The following SMYD3 variants were observed in gnomAD, a reference collection of about 807,000 sequenced individuals.
The protein encoded by SMYD3 is SET and MYND domain containing 3.
SMYD3 carries 36 observed loss-of-function variants against 57.7 expected under a neutral mutation model. That is an observed-to-expected ratio of 0.62 (90% CI 0.48 to 0.82). The LOEUF (loss-of-function observed/expected upper bound fraction) is 0.82, where lower values mean the gene tolerates loss of function less well. Among genes scored for constraint, SMYD3 ranks in the 40% least tolerant of loss-of-function variants. The probability of loss-of-function intolerance (pLI) is 0.00; values close to 1 mark genes in which losing one functional copy is unlikely to be tolerated. For missense variants in SMYD3, 515 were observed against 538.8 expected (o/e 0.96, Z 0.44); for synonymous variants, 211 against 195.0 (o/e 1.08, Z -0.68).
At chr1:246,261,593 AG>A (rs2064013436) in intron 5 of SMYD3, among the ~76,000 whole-genome samples, 1 of 152,124 alleles carries the variant, frequency 6.6e-6, no homozygotes, top group South Asian at 2.1e-4. Flanking sequence ...TTAAATGGTT[AG>A]CTCAGAAAAT....
chr1:245,798,469 CACATACACAACACACCACACACACA>C (rs2047689093), intron 10 of SMYD3, among the ~76,000 whole-genome samples: 1 of 29,574 alleles, frequency 3.4e-5, no homozygotes, highest in Non-Finnish European at 6.3e-5. Context: ...CACATACACA[CACATACACAACACACCACACACACA>C]CACACACACA....
At chr1:245,761,575 TTC>T (rs1375466803) in intron 11 of SMYD3, among the ~76,000 whole-genome samples, 1 of 152,188 alleles carries the variant, frequency 6.6e-6, no homozygotes, top group African/African-American at 2.4e-5. Context: ...AATCTAAATC[TTC>T]TCTGATTTCT....
chr1:246,191,371 T>C (rs923464312), intron 5 of SMYD3, among the ~76,000 whole-genome samples: 28 of 152,174 alleles, frequency 1.8e-4, no homozygotes, highest in African/African-American at 6.0e-4. Context: ...GTAAAAAAAT[T>C]CAACGTTTTT....
At chr1:246,065,912 G>C (rs985981496) in intron 5 of SMYD3, among the ~76,000 whole-genome samples, 1 of 152,118 alleles carries the variant, frequency 6.6e-6, no homozygotes, top group African/African-American at 2.4e-5. Flanking sequence ...ACTAACATGA[G>C]ACTTTTTTCT....
At chr1:245,989,021 T>C (rs1007456234) in intron 5 of SMYD3, among the ~76,000 whole-genome samples, 1 of 152,234 alleles carries the variant, frequency 6.6e-6, no homozygotes, top group African/African-American at 2.4e-5. Context: ...AGGTTGTTTT[T>C]CTATGGCCAA....
At chr1:246,212,045 G>A (rs759938893) in intron 5 of SMYD3, among the ~76,000 whole-genome samples, 12 of 151,900 alleles carry the variant, frequency 7.9e-5, no homozygotes, top group East Asian at 3.8e-4. Flanking sequence ...TGAGTAAATC[G>A]GAATCAAAAG....
chr1:246,471,846 G>A (rs965876949), intron 1 of SMYD3, among the ~76,000 whole-genome samples: 4 of 152,254 alleles, frequency 2.6e-5, no homozygotes, highest in Middle Eastern at 3.4e-3. Flanking sequence ...AACTATGCAG[G>A]TACCAAATTT....
At chr1:246,422,471 C>G (rs2067158134) in intron 1 of SMYD3, among the ~76,000 whole-genome samples, 1 of 151,986 alleles carries the variant, frequency 6.6e-6, no homozygotes. Context: ...GTCACCCAGG[C>G]TGGAGTGCAG....
At chr1:246,457,845 C>T (rs1375115478) in intron 1 of SMYD3, among the ~76,000 whole-genome samples, 1 of 152,214 alleles carries the variant, frequency 6.6e-6, no homozygotes, top group African/African-American at 2.4e-5. Flanking sequence ...TTTATAACTA[C>T]ACCAGAATAA....
intron 1 of SMYD3, among the ~76,000 whole-genome samples, chr1:246,431,288 T>C (rs1258143213): frequency 1.3e-5 from 2 of 152,236 alleles, no homozygotes; most frequent in African/African-American, 4.8e-5. Flanking sequence ...ATTTGTTACC[T>C]CACACAAATT....
chr1:246,378,664 CAT>C (rs1258810712), intron 1 of SMYD3, among the ~76,000 whole-genome samples: 10 of 124,128 alleles, frequency 8.1e-5, no homozygotes, highest in South Asian at 4.7e-4. Context: ...TACACACACA[CAT>C]ATATATATAC....
At chr1:246,443,169 C>A (rs781306108) in intron 1 of SMYD3, among the ~76,000 whole-genome samples, 1 of 152,162 alleles carries the variant, frequency 6.6e-6, no homozygotes, top group Admixed American at 6.5e-5. Flanking sequence ...TTTCCTCAAC[C>A]TCCTCTTACC....
chr1:246,322,198 T>A (rs1199381629), intron 5 of SMYD3: 1 of 152,294 alleles, frequency 6.6e-6, no homozygotes, highest in Non-Finnish European at 1.5e-5. Flanking sequence ...AAAGCCCATC[T>A]CTACTAAAAA....
At chr1:246,342,187 C>T (rs1348640898) in intron 2 of SMYD3, among the ~76,000 whole-genome samples, 1 of 152,112 alleles carries the variant, frequency 6.6e-6, no homozygotes, top group Non-Finnish European at 1.5e-5. Context: ...TTTGAGCCCA[C>T]TTATTCAACA....
chr1:246,098,386 G>A (rs959001569), intron 5 of SMYD3, among the ~76,000 whole-genome samples: 1 of 152,076 alleles, frequency 6.6e-6, no homozygotes, highest in Non-Finnish European at 1.5e-5. Context: ...GTGTGAAGAG[G>A]GTTCAGAGAG....
intron 7 of SMYD3, among the ~76,000 whole-genome samples, chr1:245,923,272 A>AGTAACATTT (rs1392397432): frequency 6.6e-6 from 1 of 152,164 alleles, no homozygotes; most frequent in East Asian, 1.9e-4. Flanking sequence ...AATAAAAAAC[A>AGTAACATTT]GTAACATTTG....
chr1:246,463,277 G>C (rs555064000), intron 1 of SMYD3, among the ~76,000 whole-genome samples: 37 of 152,270 alleles, frequency 2.4e-4, no homozygotes, highest in African/African-American at 8.9e-4. Context: ...CAGAGATACA[G>C]GGATATATGT....
At chr1:246,281,362 G>C (rs768961865) in intron 5 of SMYD3, among the ~76,000 whole-genome samples, 1 of 152,210 alleles carries the variant, frequency 6.6e-6, no homozygotes, top group Non-Finnish European at 1.5e-5. Context: ...CCTACTATGT[G>C]CCAGAGACTA....
At chr1:245,936,531 T>G (rs1444821228) in intron 5 of SMYD3, among the ~76,000 whole-genome samples, 1 of 152,182 alleles carries the variant, frequency 6.6e-6, no homozygotes, top group Non-Finnish European at 1.5e-5. Context: ...ATTATAAGAA[T>G]GTGAAGCATC....
Sources: allele counts gnomAD v4.1 joint callset (sites outside exome capture counted in the v4.1 genomes callset), GRCh38; gene constraint gnomAD v4.1.1; transcripts MANE v1.5; gene names NCBI Gene and HGNC (gene_info 2026-07-23, HGNC 2026-07-21).